The following CDK11A variants were observed in gnomAD, a reference collection of about 807,000 sequenced individuals.
CDK11A encodes the protein cyclin-dependent kinase 11A.
Under a neutral mutation model 83.6 loss-of-function variants are expected in CDK11A, and 55 were observed. The ratio of observed to expected loss-of-function variants is 0.66; its 90% CI spans 0.53 to 0.82. CDK11A has a LOEUF of 0.82. Ranked by LOEUF, CDK11A falls within the 40% of genes least tolerant of loss-of-function variation. CDK11A has a pLI of 0.00. For synonymous variants in CDK11A, 247 were observed against 302.7 expected (o/e 0.82, Z 1.91); for missense variants, 564 against 810.1 (o/e 0.70, Z 3.69).
intron 5 of CDK11A, among the ~76,000 whole-genome samples, chr1:1,713,904 G>A (rs142750247): frequency 4.8e-5 from 2 of 41,642 alleles, no homozygotes; most frequent in African/African-American, 7.9e-5. Flanking sequence ...AATGTCGTTC[G>A]TTCCCTTTCA....
chr1:1,720,686 C>T (rs867019276), intron 3 of CDK11A, among the ~76,000 whole-genome samples: 7 of 98,472 alleles, frequency 7.1e-5, no homozygotes, highest in African/African-American at 2.1e-4. Context: ...CATGAGCCAT[C>T]GCACCCGGAC....
chr1:1,723,252 AAAG>A (rs1345839247), intron 1 of CDK11A, among the ~76,000 whole-genome samples: 1 of 89,822 alleles, frequency 1.1e-5, no homozygotes, highest in Non-Finnish European at 2.4e-5. Flanking sequence ...AAAAAAAAAA[AAAG>A]GTAAGCTCTA....
intron 3 of CDK11A, 51 bp from the exon 4 acceptor site, chr1:1,719,506 G>GC: frequency 7.5e-7 from 1 of 1,337,808 alleles, no homozygotes; most frequent in South Asian, 2.1e-5. Flanking sequence ...GTGCGGAAAA[G>GC]CATCAGGCTA....
In CDK11A at chr1:1,714,541, C is replaced by T. The variant is rs558904990; in HGVS notation, c.488+1805G>A. Among the ~76,000 whole-genome samples, 3 of 44,964 alleles carry T rather than the reference C, an allele frequency of 6.7e-5. 1 individual carries two copies. The highest frequency in any genetic ancestry group is 3.5e-4 in the Admixed American group (1 of 2,864). The allele number at this position is 44,964 out of a possible 152,430, so 29.5% of individuals were successfully genotyped here. A position where few individuals can be genotyped will look rare whatever the true frequency, so the allele number is the denominator to read the frequency against. The stretch of plus-strand genomic sequence containing the variant: ...TACCACCAAGGCCTGTCTGGTTGTC[C>T]GTGAAATCCATCTCCCTCATAGCTC... On this transcript the variant is annotated intron_variant, in intron 5 of 19. Coordinates refer to ENST00000404249, the MANE Select transcript of CDK11A (RefSeq NM_024011.4).
intron 14 of CDK11A, 46 bp downstream of exon 14, chr1:1,704,504 A>C (rs1534950): frequency 0.086 from 133,735 of 1,563,650 alleles, 15,726 homozygotes; most frequent in African/African-American, 0.45. Context: ...TGACCAGGAC[A>C]CTGCCCCCAC....
intron 5 of CDK11A, among the ~76,000 whole-genome samples, chr1:1,715,541 A>C (rs7534835): frequency 0.96 from 140,014 of 145,148 alleles, 67,768 homozygotes; most frequent in East Asian, 1. Context: ...TTGCTCACCC[A>C]GCAGCGGTCT....
intron 17 of CDK11A, 72 bp from the exon 18 acceptor site, chr1:1,703,696 A>C: frequency 1.3e-6 from 2 of 1,538,156 alleles, no homozygotes; most frequent in Non-Finnish European, 1.8e-6. Context: ...CCGTCAGAGA[A>C]GACAAGCCAC....
intron 3 of CDK11A, among the ~76,000 whole-genome samples, chr1:1,720,360 G>C (rs1425027580): frequency 6.7e-6 from 1 of 149,736 alleles, no homozygotes; most frequent in African/African-American, 2.5e-5. Flanking sequence ...GCCTCCCAAA[G>C]TGCTGGGATT....
intron 12 of CDK11A, among the ~76,000 whole-genome samples, chr1:1,705,271 C>T (rs1450922018): frequency 1.7e-5 from 2 of 114,350 alleles, no homozygotes; most frequent in Non-Finnish European, 3.1e-5. Flanking sequence ...GGGATCCCAG[C>T]GGCCACGCCG....
intron 14 of CDK11A, 54 bp from the exon 15 acceptor site, chr1:1,704,398 T>G: frequency 1.3e-6 from 2 of 1,599,492 alleles, no homozygotes; most frequent in Non-Finnish European, 1.7e-6. Flanking sequence ...CCCAGGGCAC[T>G]CAGGGTGGCC....
At chr1:1,710,754 C>G (rs1164994510) in intron 6 of CDK11A, among the ~76,000 whole-genome samples, 1 of 146,746 alleles carries the variant, frequency 6.8e-6, no homozygotes, top group African/African-American at 2.5e-5. Context: ...GAAAATGACG[C>G]GTGAACACGA....
In CDK11A at chr1:1,704,841, C is replaced by A. The variant is rs757445658; in HGVS notation, c.1458+63G>T. The A allele has an allele frequency of 3.1e-5, 49 of 1,606,292 alleles. 3 individuals carry two copies. Among genetic ancestry groups the A allele is most frequent in the Non-Finnish European group, 4.2e-5 (49 of 1,175,784 alleles). ...GTGTAGGAAGCACCCGGCCCCAGGA[C>A]AGCACGGGGCCCTGTCGGAAAAGCC... On this transcript the variant is annotated intron_variant, in intron 13 of 19. Transcript: ENST00000404249.
chr1:1,703,559 C>T lies in CDK11A; in HGVS notation c.1977G>A (p.Met659Ile). ...GYSELPVVKK[M>I]TFSEHPYNNL... ...TGTTGTAGGGGTGCTCGCTGAAGGT[C>T]ATCTTTTTGACTACTGGGAGCTCAC... is the stretch of plus-strand genomic sequence containing the variant. Residue 659 changes from methionine (M) to isoleucine (I), a missense_variant, in exon 18 of 20, where the codon ATG becomes ATA. Around this residue, in one of 5 missense-constraint regions of CDK11A, gnomAD observed 361 missense variants for 402.7 expected, o/e 0.90. Coordinates refer to ENST00000404249, the MANE Select transcript of CDK11A (RefSeq NM_024011.4). The T allele has an allele frequency of 6.4e-7, 1 of 1,569,902 alleles. No individual in the cohort carries two copies.
chr1:1,706,105 C>T (rs1284084891), intron 11 of CDK11A, among the ~76,000 whole-genome samples: 2 of 150,832 alleles, frequency 1.3e-5, no homozygotes, highest in Non-Finnish European at 3.0e-5. Context: ...TGGAGTCTCG[C>T]TCTGTCACCC....
At chr1:1,721,737 A>G (rs1191416278) in intron 2 of CDK11A, 26 bp from the exon 3 acceptor site, 15 of 1,522,914 alleles carry the variant, frequency 9.8e-6, no homozygotes, top group Non-Finnish European at 1.3e-5. Flanking sequence ...AAAGTTAATC[A>G]TTTTCTTTAT....
intron 2 of CDK11A, among the ~76,000 whole-genome samples, chr1:1,722,121 A>T (rs1276733842): frequency 6.6e-6 from 1 of 151,210 alleles, no homozygotes; most frequent in Non-Finnish European, 1.5e-5. Flanking sequence ...ACAAAAAAAA[A>T]GCTAACAAAG....
intron 4 of CDK11A, among the ~76,000 whole-genome samples, chr1:1,718,531 T>G (rs1268206131): frequency 6.6e-6 from 1 of 150,860 alleles, no homozygotes; most frequent in African/African-American, 2.4e-5. Flanking sequence ...TAGAGTTTGC[T>G]CTCTCTGGTT....
At position 1,704,229 on chromosome 1, in the gene CDK11A, G is replaced by T; in HGVS notation, c.1680C>A (p.Ile560=). The T allele has an allele frequency of 1.2e-6, 2 of 1,608,482 alleles. No homozygotes were observed. Among genetic ancestry groups the T allele is most frequent in the Non-Finnish European group, 1.7e-6 (2 of 1,176,736 alleles). Residue 560 remains isoleucine, a synonymous_variant, in exon 15 of 20, where the codon ATC becomes ATA. Coordinates refer to ENST00000404249, the MANE Select transcript of CDK11A (RefSeq NM_024011.4). ...CACTCGGAGGGGGGCTCACCTTGAG[G>T]ATGCCGGCGTGGCTCAGCAGCAGGT... is the stretch of plus-strand genomic sequence containing the variant. The part of the protein sequence containing the change: ...TSNLLLSHAG[I]LKVGDFGLAR...
chr1:1,720,202 C>A lies in CDK11A; in HGVS notation c.228-747G>T, dbSNP rs1256865261. 2.0e-5 allele frequency among the ~76,000 whole-genome samples: 3 copies of A among 149,946 alleles called. 1 individual carries two copies. Among genetic ancestry groups the A allele is most frequent in the Non-Finnish European group, 4.5e-5 (3 of 67,412 alleles). On this transcript the variant is annotated intron_variant, in intron 3 of 19. Coordinates refer to ENST00000404249, the MANE Select transcript of CDK11A (RefSeq NM_024011.4). ...CTCTACCTCCTGGGTTCATGCCATT[C>A]TCCTGCCTCAGCCTTCCAAGTAACT...
Sources: allele counts gnomAD v4.1 joint callset (sites outside exome capture counted in the v4.1 genomes callset), GRCh38; gene constraint gnomAD v4.1.1; regional missense constraint gnomAD v4.1.1; transcripts MANE v1.5; gene names NCBI Gene and HGNC (gene_info 2026-07-23, HGNC 2026-07-21).